DOK6: variants seen among roughly 807,000 people sequenced by gnomAD.
DOK6 encodes the protein downstream of tyrosine kinase 6.
In DOK6, 22 loss-of-function variants were observed where a neutral mutation model predicts 44.0. That is an observed-to-expected ratio of 0.50 (90% CI 0.36 to 0.71). The LOEUF is 0.71. DOK6 is among the 30% of genes least tolerant of loss of function. DOK6 has a pLI of 0.00. For missense variants in DOK6, 340 were observed against 416.4 expected (o/e 0.82, Z 1.60); for synonymous variants, 166 against 145.5 (o/e 1.14, Z -1.01).
intron 7 of DOK6, among the ~76,000 whole-genome samples, chr18:69,837,291 G>A (rs1449829180): frequency 6.6e-6 from 1 of 152,176 alleles, no homozygotes; most frequent in Non-Finnish European, 1.5e-5. Context: ...TGTGGTGGAA[G>A]GCTGAGGGGC....
chr18:69,651,778 C>T lies in DOK6; in HGVS notation c.290-25956C>T, dbSNP rs143918528. Among the ~76,000 whole-genome samples, 1,099 of 152,006 alleles carry T rather than the reference C, an allele frequency of 7.2e-3. 12 individuals carry two copies. The highest frequency in any genetic ancestry group is 0.025 in the African/African-American group (1,044 of 41,440). ...TTGAGATTACAGGTGTCAGCTACCG[C>T]GCCCAGCCCCATCAGCCCCCTTTAA... On this transcript the variant is annotated intron_variant, in intron 3 of 7. Transcript: ENST00000382713.
rs1442884261 is a variant in DOK6, at chr18:69,401,054, C to T, written c.-191C>T. ...TGGCGCGGCTCGCGGCGCCGGGCCC[C>T]GTTCCCCGTCCGCGGCGGCCCTGCA... On this transcript the variant is annotated 5_prime_UTR_variant, in exon 1 of 8. Coordinates refer to ENST00000382713, the MANE Select transcript of DOK6 (RefSeq NM_152721.6). 3.1e-5 allele frequency: 8 copies of T among 259,616 alleles called. No homozygotes were observed. The South Asian group carries it at 4.5e-4, about 15-fold the overall frequency. The allele number at this position is 259,616 out of a possible 1,614,324, so 16.1% of individuals were successfully genotyped here.
chr18:69,722,244 T>C (rs1240189064), intron 5 of DOK6, among the ~76,000 whole-genome samples: 1 of 152,232 alleles, frequency 6.6e-6, no homozygotes, highest in Non-Finnish European at 1.5e-5. Flanking sequence ...GAACTTTTAG[T>C]TCATATTTAT....
chr18:69,741,288 A>G (rs1235083434), intron 6 of DOK6, among the ~76,000 whole-genome samples: 1 of 152,240 alleles, frequency 6.6e-6, no homozygotes, highest in Non-Finnish European at 1.5e-5. Context: ...ATAATTTCCA[A>G]CTATGCTTTT....
At chr18:69,721,631 A>G (rs1978288817) in intron 5 of DOK6, among the ~76,000 whole-genome samples, 1 of 152,230 alleles carries the variant, frequency 6.6e-6, no homozygotes, top group South Asian at 2.1e-4. Flanking sequence ...GACACTAGTC[A>G]TCCATCAGAA....
At chr18:69,426,465 G>C (rs1223200934) in intron 1 of DOK6, among the ~76,000 whole-genome samples, 3 of 152,104 alleles carry the variant, frequency 2.0e-5, no homozygotes, top group African/African-American at 7.2e-5. Context: ...GTTGAAATGG[G>C]ATCTCAAAAG....
At chr18:69,700,216 CATATATATATAT>C (rs61078235) in intron 5 of DOK6, among the ~76,000 whole-genome samples, 1 of 124,762 alleles carries the variant, frequency 8.0e-6, no homozygotes, top group Non-Finnish European at 1.7e-5. Context: ...CATATATATA[CATATATATATAT>C]ATATATGAAT....
At chr18:69,836,587 G>A (rs1982060988) in intron 7 of DOK6, among the ~76,000 whole-genome samples, 1 of 152,104 alleles carries the variant, frequency 6.6e-6, no homozygotes. Context: ...ATTAGAAAAG[G>A]TAAGAGGACT....
rs554469379 is a variant in DOK6 at position 69,778,425 on chromosome 18, C to T, written c.856+20552C>T. ...GCGTCAAAAGGAACCTCGAAGAGAC[C>T]GAGGCAGTGCAGAAAGCAGAATAAA... On this transcript the variant is annotated intron_variant, in intron 7 of 7. Transcript: ENST00000382713. Among the ~76,000 whole-genome samples the T allele has an allele frequency of 2.4e-4, 37 of 152,148 alleles. 1 individual carries two copies. The highest frequency in any genetic ancestry group is 8.7e-4 in the African/African-American group (36 of 41,536).
chr18:69,469,974 C>T (rs141317084), intron 1 of DOK6: 43 of 183,676 alleles, frequency 2.3e-4, no homozygotes, highest in Non-Finnish European at 4.2e-4. Context: ...AGTGTCCGAT[C>T]TCCCCTACCC....
chr18:69,653,309 CAAA>C (rs34616737), intron 3 of DOK6, among the ~76,000 whole-genome samples: 1 of 127,930 alleles, frequency 7.8e-6, no homozygotes, highest in African/African-American at 2.9e-5. Context: ...GAGACTGGGA[CAAA>C]AAAAAAAAAA....
chr18:69,646,748 C>A (rs749496025), intron 3 of DOK6, among the ~76,000 whole-genome samples: 9 of 152,084 alleles, frequency 5.9e-5, no homozygotes, highest in Non-Finnish European at 1.3e-4. Flanking sequence ...AGGGTGTTCA[C>A]GACCAGGCCC....
intron 1 of DOK6, among the ~76,000 whole-genome samples, chr18:69,550,037 T>C (rs1042443728): frequency 2.0e-5 from 3 of 151,278 alleles, no homozygotes; most frequent in African/African-American, 7.3e-5. Context: ...GTTTATAAAG[T>C]GTAATCATCT....
intron 1 of DOK6, among the ~76,000 whole-genome samples, chr18:69,477,922 C>T (rs899524212): frequency 1.8e-4 from 28 of 152,130 alleles, no homozygotes; most frequent in African/African-American, 6.8e-4. Context: ...TAGCTTTGAT[C>T]TCATTTAGGC....
intron 4 of DOK6, among the ~76,000 whole-genome samples, chr18:69,697,408 A>G (rs1190130369): frequency 6.8e-6 from 1 of 147,986 alleles, no homozygotes; most frequent in Admixed American, 6.8e-5. Flanking sequence ...GTAATTCTTA[A>G]AGTTTTTCTT....
chr18:69,759,640 A>G (rs1397001959), intron 7 of DOK6, among the ~76,000 whole-genome samples: 1 of 152,232 alleles, frequency 6.6e-6, no homozygotes, highest in Non-Finnish European at 1.5e-5. Context: ...ATGGCTTTGC[A>G]TCTGATAAAA....
At chr18:69,794,572 AT>A (rs1980690807) in intron 7 of DOK6, among the ~76,000 whole-genome samples, 1 of 152,150 alleles carries the variant, frequency 6.6e-6, no homozygotes, top group South Asian at 2.1e-4. Flanking sequence ...GTTGAGTAAG[AT>A]TCCACTCCAT....
chr18:69,703,541 A>G (rs74890191), intron 5 of DOK6, among the ~76,000 whole-genome samples: 2,646 of 152,326 alleles, frequency 0.017, 47 homozygotes, highest in African/African-American at 0.053. Flanking sequence ...TTTTAAAAAC[A>G]TTAATGATGT....
intron 3 of DOK6, among the ~76,000 whole-genome samples, chr18:69,603,229 T>C (rs1442596325): frequency 1.3e-5 from 2 of 152,200 alleles, no homozygotes; most frequent in Non-Finnish European, 2.9e-5. Context: ...AATGCTGCTG[T>C]GTGAGCTTAC....
Sources: gnomAD v4.1 joint callset for allele counts (sites outside exome capture counted in the v4.1 genomes callset) on GRCh38, gnomAD v4.1.1 for gene constraint, MANE v1.5 for transcripts, NCBI Gene and HGNC (gene_info 2026-07-23, HGNC 2026-07-21) for gene names.